Variants in GNG5 observed in about 807,000 individuals in gnomAD.
GNG5 encodes guanine nucleotide-binding protein G(I)/G(S)/G(O) subunit gamma-5.
A neutral mutation model predicts 6.2 loss-of-function variants in GNG5; 2 were observed. The ratio of observed to expected loss-of-function variants is 0.32; its 90% CI spans 0.13 to 1.01. The LOEUF (loss-of-function observed/expected upper bound fraction) is 1.01. Among genes scored for constraint, GNG5 ranks in the 50% least tolerant of loss-of-function variants. GNG5 has a pLI of 0.48. For missense variants in GNG5, 57 were observed against 80.2 expected, an observed-to-expected ratio of 0.71 and a Z score of 1.10; for synonymous variants, 24 against 33.0, an observed-to-expected ratio of 0.73 and a Z score of 0.93.
At chr1:84,500,752 G>A (rs945045789) in intron 3 of GNG5, among the ~76,000 whole-genome samples, 1 of 152,008 alleles carries the variant, frequency 6.6e-6, no homozygotes, top group African/African-American at 2.4e-5. Flanking sequence ...GTATTTACTG[G>A]AAACATGTAC....
chr1:84,501,993 G>T, intron 2 of GNG5, 23 bp from the exon 3 acceptor site: 3 of 1,596,092 alleles, frequency 1.9e-6, no homozygotes, highest in Admixed American at 1.7e-5. Flanking sequence ...AAGAGGGGGG[G>T]AAGTGCCAGA....
At chr1:84,500,641 A>T (rs1265745994) in intron 3 of GNG5, among the ~76,000 whole-genome samples, 1 of 152,208 alleles carries the variant, frequency 6.6e-6, no homozygotes, top group Non-Finnish European at 1.5e-5. Flanking sequence ...ATGAAAGTGA[A>T]TTACTTCTTC....
chr1:84,502,081 T>G, intron 2 of GNG5, 111 bp from the exon 3 acceptor site: 1 of 683,542 alleles, frequency 1.5e-6, no homozygotes, highest in Non-Finnish European at 2.5e-6. Flanking sequence ...TTCTCTTGCT[T>G]CAAAAGAAGA....
Position 84,505,663 on chromosome 1 carries a change from G to C in GNG5, c.81+348C>G, listed in dbSNP as rs966958513. On this transcript the variant is annotated intron_variant, in intron 2 of 3. Transcript: ENST00000370645. ...TGGCAAAGTGGGAAAGGAAGGGTGC[G>C]GACAGCGCGCGGAGGCGCAGCTGTT... Among the ~76,000 whole-genome samples, 7 of 152,348 alleles carry C rather than the reference G, an allele frequency of 4.6e-5. No homozygotes were observed. The East Asian group carries it at 7.7e-4, about 17-fold the overall frequency.
intron 3 of GNG5, among the ~76,000 whole-genome samples, chr1:84,501,512 C>T (rs941150940): frequency 5.9e-5 from 9 of 152,124 alleles, no homozygotes; most frequent in African/African-American, 2.2e-4. Context: ...TTGGGGACTC[C>T]ATTAGGCCAA....
At chr1:84,503,218 G>A (rs1682091897) in intron 2 of GNG5, among the ~76,000 whole-genome samples, 1 of 152,338 alleles carries the variant, frequency 6.6e-6, no homozygotes, top group Middle Eastern at 3.4e-3. Flanking sequence ...TAAAAAGTGG[G>A]AGAAATACTC....
chr1:84,505,663 G>A (rs966958513), intron 2 of GNG5, among the ~76,000 whole-genome samples: 1 of 152,230 alleles, frequency 6.6e-6, no homozygotes, highest in Admixed American at 6.5e-5. Context: ...GGAAGGGTGC[G>A]GACAGCGCGC....
intron 2 of GNG5, among the ~76,000 whole-genome samples, chr1:84,504,982 G>A (rs778388702): frequency 3.9e-5 from 6 of 152,196 alleles, no homozygotes; most frequent in Non-Finnish European, 5.9e-5. Flanking sequence ...GACCCTCTCA[G>A]TTCACAAAAC....
chr1:84,501,528 T>C (rs1682057391), intron 3 of GNG5, among the ~76,000 whole-genome samples: 2 of 152,204 alleles, frequency 1.3e-5, no homozygotes, highest in Non-Finnish European at 1.5e-5. Context: ...GCCAATGCTC[T>C]AAAAAGTAAC....
chr1:84,502,030 T>C, intron 2 of GNG5, 60 bp from the exon 3 acceptor site: 1 of 1,327,740 alleles, frequency 7.5e-7, no homozygotes, highest in Non-Finnish European at 1.1e-6. Flanking sequence ...ATGAAGGTTT[T>C]CTCAATCTTT....
rs181220524 is a variant in GNG5 at position 84,506,138 on chromosome 1, C to A, written c.-47G>T. The A allele has an allele frequency of 7.9e-6, 12 of 1,516,220 alleles. No homozygotes were observed. The East Asian group carries it at 3.1e-4, about 40-fold the overall frequency. 93.9% of individuals were successfully genotyped at this position (1,516,220 alleles called of 1,614,324 possible). On this transcript the variant is annotated 5_prime_UTR_variant, in exon 2 of 4. Transcript: ENST00000370645. Reference sequence around the variant, plus strand: ...GATTCGTGGGTCGGTGGGTCGTGGGCCGTGGGTCGGCGGGGCCAGACAACT... The same window carrying A: ...GATTCGTGGGTCGGTGGGTCGTGGGACGTGGGTCGGCGGGGCCAGACAACT...
intron 2 of GNG5, among the ~76,000 whole-genome samples, chr1:84,502,611 C>T (rs916740572): frequency 2.0e-5 from 3 of 152,070 alleles, no homozygotes; most frequent in African/African-American, 7.2e-5. Context: ...AAGTGCAAAC[C>T]TGAGGGTACT....
chr1:84,501,081 T>C (rs17365681), intron 3 of GNG5, among the ~76,000 whole-genome samples: 8,202 of 152,286 alleles, frequency 0.054, 308 homozygotes, highest in Non-Finnish European at 0.077. Context: ...TTTGTACACA[T>C]GACATTTGAT....
intron 2 of GNG5, among the ~76,000 whole-genome samples, chr1:84,505,722 T>C (rs922307734): frequency 1.3e-5 from 2 of 150,930 alleles, no homozygotes; most frequent in Non-Finnish European, 3.0e-5. Flanking sequence ...CCAAGGGAGG[T>C]AGAGACGGAG....
At chr1:84,502,097 T>C in intron 2 of GNG5, 127 bp from the exon 3 acceptor site, 2 of 576,556 alleles carry the variant, frequency 3.5e-6, no homozygotes, top group Non-Finnish European at 6.1e-6. Context: ...GAAGATACTA[T>C]ATAATAATTG....
At chr1:84,503,750 A>G (rs1177795510) in intron 2 of GNG5, 2 of 152,262 alleles carry the variant, frequency 1.3e-5, no homozygotes, top group Non-Finnish European at 2.9e-5. Context: ...CTAAGAATAC[A>G]TAAGAACAGC....
In GNG5 at chr1:84,505,942, C is replaced by A. The variant is rs1268555989; in HGVS notation, c.81+69G>T. On this transcript the variant is annotated intron_variant, in intron 2 of 3. Transcript: ENST00000370645. ...CGGCGCGTGTCCCGCCCGCCCCCGCCAGCTGGGCCGCCGGATCCCACCCGC... is the reference window on the plus strand; with the variant it reads ...CGGCGCGTGTCCCGCCCGCCCCCGCAAGCTGGGCCGCCGGATCCCACCCGC... 2.6e-6 allele frequency: 3 copies of A among 1,135,458 alleles called. No homozygotes were observed. In the East Asian group the frequency reaches 9.9e-5, roughly 38 times the overall value. The allele number at this position is 1,135,458 out of a possible 1,614,324, so 70.3% of individuals were successfully genotyped here.
In GNG5 at chr1:84,506,004, C is replaced by T. The variant is rs774297077; in HGVS notation, c.81+7G>A. On this transcript the variant is annotated splice_region_variant and intron_variant, in intron 2 of 3. Coordinates refer to ENST00000370645, the MANE Select transcript of GNG5 (RefSeq NM_005274.3). The stretch of plus-strand genomic sequence containing the variant: ...TCCTCCCGCCTCGGCCGCCCGCCCC[C>T]GCTCACTTTTACGCGGTTGAGTCCG... The T allele has an allele frequency of 3.3e-6, 5 of 1,519,880 alleles. No homozygotes were observed. Among genetic ancestry groups the T allele is most frequent in the Non-Finnish European group, 4.4e-6 (5 of 1,135,170 alleles). The allele number at this position is 1,519,880 out of a possible 1,614,324, so 94.1% of individuals were successfully genotyped here.
At chr1:84,503,348 C>A (rs979261815) in intron 2 of GNG5, among the ~76,000 whole-genome samples, 3 of 152,166 alleles carry the variant, frequency 2.0e-5, no homozygotes, top group Non-Finnish European at 4.4e-5. Flanking sequence ...TACCAAGAAC[C>A]CCTGCAGATT....
Sources: gnomAD v4.1 joint callset for allele counts (sites outside exome capture counted in the v4.1 genomes callset) on GRCh38, gnomAD v4.1.1 for gene constraint, MANE v1.5 for transcripts, NCBI Gene and HGNC (gene_info 2026-07-23, HGNC 2026-07-21) for gene names.